The following PDE4DIP variants were observed in gnomAD, a reference collection of about 807,000 sequenced individuals.
PDE4DIP encodes the protein myomegalin.
A neutral mutation model predicts 221.4 loss-of-function variants in PDE4DIP; 59 were observed. The observed-to-expected ratio is 0.27, with a 90% confidence interval of 0.22 to 0.33. The LOEUF is 0.33. Ranked by LOEUF, PDE4DIP falls within the 10% of genes least tolerant of loss-of-function variation. The pLI, the probability that PDE4DIP is intolerant of heterozygous loss-of-function variation, is 1.00. For synonymous variants in PDE4DIP, 404 were observed against 815.9 expected, an observed-to-expected ratio of 0.50 and a Z score of 8.60; for missense variants, 1,036 against 2,154.2, an observed-to-expected ratio of 0.48 and a Z score of 10.28.
intron 17 of PDE4DIP, 66 bp from the exon 21 acceptor site, chr1:148,977,871 T>C: frequency 6.3e-7 from 1 of 1,591,070 alleles, no homozygotes; most frequent in East Asian, 2.2e-5. Flanking sequence ...AGTAATAGGA[T>C]ATGCAAAAGC....
At chr1:148,996,603 A>G (rs2064280991) in intron 22 of PDE4DIP, among the ~76,000 whole-genome samples, 1 of 152,042 alleles carries the variant, frequency 6.6e-6, no homozygotes, top group Admixed American at 6.5e-5. Flanking sequence ...TGTCTTCACA[A>G]CCTCAACTGC....
At chr1:148,931,705 A>C (rs201067822) in intron 2 of PDE4DIP, 95 bp from the exon 6 acceptor site, 890 of 1,014,792 alleles carry the variant, frequency 8.8e-4, no homozygotes, top group African/African-American at 5.1e-3. Context: ...GTCACTGCAG[A>C]AAGCAGTTTG....
Position 148,960,800 on chromosome 1 carries a change from A to G in PDE4DIP, c.768+15A>G, listed in dbSNP as rs1553508898. ...CCACCAACAAGGTATGATTAGTACTATGCCCTAGGAGATGACAAGGTTTTC... is the reference window on the plus strand; with the variant it reads ...CCACCAACAAGGTATGATTAGTACTGTGCCCTAGGAGATGACAAGGTTTTC... On this transcript the variant is annotated intron_variant, in intron 6 of 43. Transcript: ENST00000369354. 6.8e-6 allele frequency: 3 copies of G among 438,296 alleles called. No individual in the cohort carries two copies. Among genetic ancestry groups the G allele is most frequent in the South Asian group, 5.5e-5 (1 of 18,252 alleles). The allele number at this position is 438,296 out of a possible 1,614,324, so 27.2% of individuals were successfully genotyped here.
chr1:148,971,218 C>T (rs1553526478), intron 14 of PDE4DIP, among the ~76,000 whole-genome samples: 2 of 150,812 alleles, frequency 1.3e-5, no homozygotes, highest in East Asian at 1.9e-4. Flanking sequence ...TGTTTATGTG[C>T]GTAATTGATT....
intron 5 of PDE4DIP, among the ~76,000 whole-genome samples, chr1:148,958,855 C>T (rs2056107220): frequency 6.6e-6 from 1 of 152,116 alleles, no homozygotes; most frequent in Non-Finnish European, 1.5e-5. Flanking sequence ...AAATTACATA[C>T]ATGGCTCACA....
At chr1:148,991,511 A>C (rs1397536193) in intron 21 of PDE4DIP, 2 of 977,534 alleles carry the variant, frequency 2.0e-6, no homozygotes, top group Non-Finnish European at 2.4e-6. Flanking sequence ...TGGTGGGGAA[A>C]GGGTTAAGCA....
intron 27 of PDE4DIP, among the ~76,000 whole-genome samples, chr1:149,005,914 C>T (rs1306213691): frequency 7.7e-6 from 1 of 129,492 alleles, no homozygotes; most frequent in Non-Finnish European, 1.7e-5. Context: ...AGGTAGAACA[C>T]CTGAGGTCAG....
chr1:148,979,893 T>C, intron 20 of PDE4DIP, 44 bp downstream of exon 23: 2 of 1,591,266 alleles, frequency 1.3e-6, no homozygotes, highest in Non-Finnish European at 1.7e-6. Context: ...ATTGAAATTT[T>C]TATTTCTTTT....
intron 24 of PDE4DIP, among the ~76,000 whole-genome samples, chr1:149,002,451 G>A (rs1245537236): frequency 6.6e-6 from 1 of 152,128 alleles, no homozygotes; most frequent in Non-Finnish European, 1.5e-5. Flanking sequence ...CATCACAGGT[G>A]TCTGTTCCTG....
chr1:148,992,908 A>T, intron 22 of PDE4DIP: 1 of 1,058,328 alleles, frequency 9.4e-7, no homozygotes, highest in Non-Finnish European at 1.1e-6. Flanking sequence ...AGAGACATCG[A>T]ATCAACCAAT....
chr1:148,987,226 A>G (rs1238406916), intron 21 of PDE4DIP, among the ~76,000 whole-genome samples: 4 of 152,174 alleles, frequency 2.6e-5, no homozygotes, highest in Admixed American at 2.6e-4. Context: ...GCAGTTTTCT[A>G]CCACTTCTGT....
chr1:148,824,535 AC>A (rs1475967419), intron 1 of PDE4DIP, among the ~76,000 whole-genome samples: 76 of 95,912 alleles, frequency 7.9e-4, no homozygotes, highest in South Asian at 1.5e-3. Context: ...GGGTTTGATG[AC>A]CAGGGATCAC....
intron 1 of PDE4DIP, among the ~76,000 whole-genome samples, chr1:148,830,458 G>A (rs1428905570): frequency 1.0e-5 from 1 of 95,326 alleles, no homozygotes; most frequent in African/African-American, 3.7e-5. Context: ...TTAAGTTCTA[G>A]GGTACATGTG....
chr1:149,001,055 A>G (rs1403301762), intron 23 of PDE4DIP, among the ~76,000 whole-genome samples: 2 of 152,102 alleles, frequency 1.3e-5, no homozygotes, highest in Non-Finnish European at 2.9e-5. Flanking sequence ...TGCTCTCAAG[A>G]AGGTTATCTC....
chr1:149,005,018 G>A (rs1464222421), exon 27 of PDE4DIP: 14 of 1,518,030 alleles, frequency 9.2e-6, no homozygotes, highest in African/African-American at 1.4e-5. Flanking sequence ...GGAAGCCCTT[G>A]GAGAACCAGC....
Position 149,012,558 on chromosome 1 carries a change from G to T in PDE4DIP, c.5081-33G>T, listed in dbSNP as rs782336795. On this transcript the variant is annotated intron_variant, in intron 31 of 43. Transcript: ENST00000369354. ...TTTTCTCTCATTTTCTCTTGATGAT[G>T]TGTCTCTTTTCTCCTTAACTTTCTT... The T allele has an allele frequency of 4.3e-6, 6 of 1,408,586 alleles. No homozygotes were observed. The South Asian group carries it at 7.8e-5, about 18-fold the overall frequency. The allele number at this position is 1,408,586 out of a possible 1,614,324, so 87.3% of individuals were successfully genotyped here. A position where few individuals can be genotyped will look rare whatever the true frequency, so the allele number is the denominator to read the frequency against.
intron 5 of PDE4DIP, chr1:148,941,903 C>CTG (rs2050626072): frequency 6.6e-6 from 1 of 151,832 alleles, no homozygotes; most frequent in South Asian, 2.1e-4. Context: ...TTTCTAAGCT[C>CTG]TGGGCCTGTT....
intron 1 of PDE4DIP, among the ~76,000 whole-genome samples, chr1:148,920,154 A>G (rs1184555618): frequency 2.5e-5 from 2 of 80,652 alleles, no homozygotes; most frequent in East Asian, 4.3e-4. Flanking sequence ...TATTTATTTG[A>G]GATGGAATCT....
rs1271560496 is a variant in PDE4DIP at position 148,952,413 on chromosome 1, C to G, written c.637-8241C>G. 1.5e-4 allele frequency: 161 copies of G among 1,084,918 alleles called. 1 individual carries two copies. The highest frequency in any genetic ancestry group is 5.0e-4 in the East Asian group (10 of 19,994). The allele number at this position is 1,084,918 out of a possible 1,614,324, so 67.2% of individuals were successfully genotyped here. A position where few individuals can be genotyped will look rare whatever the true frequency, so the allele number is the denominator to read the frequency against. On this transcript the variant is annotated intron_variant, in intron 5 of 43. Coordinates refer to ENST00000369354, the Ensembl canonical transcript of PDE4DIP. ...GAGGCTTTGCGTCTGCGCGGCCGGC[C>G]GCTGCTGCTCCGGGAGCCCAGTCTG...
Sources: allele counts gnomAD v4.1 joint callset (sites outside exome capture counted in the v4.1 genomes callset), GRCh38; gene constraint gnomAD v4.1.1; transcripts MANE v1.5; gene names NCBI Gene and HGNC (gene_info 2026-07-23, HGNC 2026-07-21).